Variants in NREP observed in about 807,000 individuals in gnomAD.
The protein encoded by NREP is neuronal regeneration related protein.
A neutral mutation model predicts 8.6 loss-of-function variants in NREP; 5 were observed. That is an observed-to-expected ratio of 0.58 (90% CI 0.30 to 1.22). The LOEUF is 1.22. NREP is among the 50% of genes most tolerant of loss of function. NREP has a pLI of 0.07. For missense variants in NREP, 86 were observed against 82.5 expected, an observed-to-expected ratio of 1.04 and a Z score of -0.17; for synonymous variants, 27 against 28.0, an observed-to-expected ratio of 0.96 and a Z score of 0.11.
chr5:111,794,995 T>TA (rs71982267), intron 2 of NREP, among the ~76,000 whole-genome samples: 2,299 of 130,352 alleles, frequency 0.018, 19 homozygotes, highest in Middle Eastern at 0.05. Flanking sequence ...AAAGCTGCTC[T>TA]AAAAAAAAAA....
At chr5:111,780,358 T>G in intron 2 of NREP, among the ~76,000 whole-genome samples, 1 of 152,056 alleles carries the variant, frequency 6.6e-6, no homozygotes, top group East Asian at 1.9e-4. Context: ...GTATTTAAAG[T>G]TTTTGCTACT....
intron 2 of NREP, among the ~76,000 whole-genome samples, chr5:111,956,963 C>CTAAATAAATAAA (rs10665112): frequency 0.013 from 1,807 of 142,870 alleles, 18 homozygotes; most frequent in Middle Eastern, 0.032. Context: ...GACCATGTCT[C>CTAAATAAATAAA]TAAATAAATA....
intron 2 of NREP, among the ~76,000 whole-genome samples, chr5:111,858,266 G>T (rs1427841606): frequency 6.6e-6 from 1 of 152,066 alleles, no homozygotes; most frequent in Non-Finnish European, 1.5e-5. Flanking sequence ...GAGGTCTGGG[G>T]TGCATGTTTC....
upstream of NREP, chr5:111,757,406 G>A (rs1432790808): frequency 3.1e-6 from 3 of 969,736 alleles, no homozygotes; most frequent in African/African-American, 5.3e-5. Flanking sequence ...GAGTGTGTGT[G>A]TCTCTCTCTT....
intron 2 of NREP, among the ~76,000 whole-genome samples, chr5:111,886,354 A>G (rs993978523): frequency 8.6e-5 from 13 of 151,236 alleles, no homozygotes; most frequent in South Asian, 8.3e-4. Context: ...AGAAATAGGA[A>G]CACTTTTACA....
chr5:111,942,809 C>G (rs1755866284), intron 2 of NREP, among the ~76,000 whole-genome samples: 1 of 152,006 alleles, frequency 6.6e-6, no homozygotes, highest in African/African-American at 2.4e-5. Flanking sequence ...GAGGTCAAAT[C>G]CTGTATTCAT....
chr5:111,794,819 A>C (rs965422810), intron 2 of NREP, among the ~76,000 whole-genome samples: 1 of 152,144 alleles, frequency 6.6e-6, no homozygotes, highest in Non-Finnish European at 1.5e-5. Context: ...CCCTAATGTA[A>C]ACGATGGCCT....
intron 2 of NREP, among the ~76,000 whole-genome samples, chr5:111,870,442 A>G (rs1753763883): frequency 6.6e-6 from 1 of 152,234 alleles, no homozygotes; most frequent in South Asian, 2.1e-4. Context: ...AAAGAAAAAA[A>G]GAAAATTAGC....
At chr5:111,804,189 A>G (rs1752082391) in intron 2 of NREP, among the ~76,000 whole-genome samples, 1 of 152,248 alleles carries the variant, frequency 6.6e-6, no homozygotes, top group Non-Finnish European at 1.5e-5. Flanking sequence ...CATGAACGTT[A>G]GAACCATAAT....
intron 2 of NREP, among the ~76,000 whole-genome samples, chr5:111,790,347 CT>C (rs57775701): frequency 8.4e-5 from 5 of 59,640 alleles, no homozygotes; most frequent in African/African-American, 2.8e-4. Context: ...AAAACCTTAA[CT>C]TTTTTTTTTT....
intron 2 of NREP, among the ~76,000 whole-genome samples, chr5:111,890,812 C>T (rs544652258): frequency 1.1e-4 from 17 of 152,328 alleles, no homozygotes; most frequent in African/African-American, 1.7e-4. Flanking sequence ...GCCTGACCCA[C>T]GAAACCATTC....
intron 2 of NREP, among the ~76,000 whole-genome samples, chr5:111,860,262 C>A (rs369716892): frequency 1.3e-5 from 2 of 152,184 alleles, no homozygotes; most frequent in Non-Finnish European, 2.9e-5. Context: ...TCAGACTACA[C>A]TGAAGACCTT....
intron 2 of NREP, among the ~76,000 whole-genome samples, chr5:111,786,811 G>A (rs1161678824): frequency 1.3e-5 from 2 of 152,182 alleles, no homozygotes. Flanking sequence ...ATTGGGGTAG[G>A]AATTTTGTAT....
chr5:111,923,061 TCATGGGAGACC>T, intron 2 of NREP, among the ~76,000 whole-genome samples: 1 of 152,214 alleles, frequency 6.6e-6, no homozygotes, highest in African/African-American at 2.4e-5. Context: ...TGATGGTATT[TCATGGGAGACC>T]CATTAGGAGT....
intron 2 of NREP, among the ~76,000 whole-genome samples, chr5:111,869,058 A>G (rs1753729798): frequency 6.6e-6 from 1 of 152,222 alleles, no homozygotes; most frequent in Non-Finnish European, 1.5e-5. Flanking sequence ...CTTAGAACCT[A>G]GTAAGAAATA....
chr5:111,746,352 A>C (rs752030606), intron 2 of NREP, among the ~76,000 whole-genome samples: 35 of 152,174 alleles, frequency 2.3e-4, no homozygotes, highest in Admixed American at 2.0e-4. Context: ...TCTATTATCA[A>C]GAAGTAAAAA....
intron 2 of NREP, among the ~76,000 whole-genome samples, chr5:111,961,739 C>T (rs905956432): frequency 2.0e-5 from 3 of 152,210 alleles, no homozygotes; most frequent in Admixed American, 1.3e-4. Context: ...ATTCCCTAAT[C>T]TCTCCTGGTT....
intron 2 of NREP, among the ~76,000 whole-genome samples, chr5:111,802,415 C>T (rs562171241): frequency 6.6e-6 from 1 of 152,222 alleles, no homozygotes; most frequent in Admixed American, 6.5e-5. Context: ...CTTGAAAACA[C>T]TGGGGAGCAC....
intron 2 of NREP, among the ~76,000 whole-genome samples, chr5:111,799,848 A>T (rs1161359175): frequency 6.6e-6 from 1 of 152,216 alleles, no homozygotes; most frequent in Non-Finnish European, 1.5e-5. Context: ...GTAGATATGA[A>T]ATACAGTGAA....
Sources: gnomAD v4.1 joint callset for allele counts (sites outside exome capture counted in the v4.1 genomes callset) on GRCh38, gnomAD v4.1.1 for gene constraint, MANE v1.5 for transcripts, NCBI Gene and HGNC (gene_info 2026-07-23, HGNC 2026-07-21) for gene names.